Variants in TASOR observed in about 807,000 individuals in gnomAD.
The protein encoded by TASOR is protein TASOR.
In TASOR, 53 loss-of-function variants were observed where a neutral mutation model predicts 178.6. That is an observed-to-expected ratio of 0.30 (90% confidence interval 0.24 to 0.37). TASOR has a LOEUF of 0.37. Ranked by LOEUF, TASOR falls within the 10% of genes least tolerant of loss-of-function variation. The pLI is 1.00. For synonymous variants in TASOR, 713 were observed against 696.2 expected (o/e 1.02, Z -0.38); for missense variants, 1,815 against 1,971.4 (o/e 0.92, Z 1.50).
Position 56,622,457 on chromosome 3 carries a change from C to G in TASOR, c.*580G>C, listed in dbSNP as rs561734614. ...GGTACTGAAAATTATCCAATACTCTCAAAAAGTTACCAGAATTTTAGCAAT... is the reference window on the plus strand; with the variant it reads ...GGTACTGAAAATTATCCAATACTCTGAAAAAGTTACCAGAATTTTAGCAAT... On this transcript the variant is annotated 3_prime_UTR_variant, in exon 24 of 24. Transcript: ENST00000683822. 6.6e-6 allele frequency: 1 copy of G among 152,640 alleles called. No individual in the cohort carries two copies. The highest frequency in any genetic ancestry group is 6.5e-5 in the Admixed American group (1 of 15,298). The allele number at this position is 152,640 out of a possible 1,614,324, so 9.5% of individuals were successfully genotyped here.
Position 56,633,396 on chromosome 3 carries a change from T to A in TASOR, c.3395A>T (p.His1132Leu). ...ATCACTACACAGTGGCTCAAGGAGA[T>A]GTTTATTGTTGAAGTCACTTGAGGA... The part of the protein sequence containing the change: ...PVSSSDFNNK[H>L]LLEPLCSDPL... Residue 1132 changes from histidine to leucine, a missense_variant, in exon 18 of 24, where the codon CAT (histidine) becomes CTT (leucine). By Grantham distance (99) the His-to-Leu change is moderately conservative. Coordinates refer to ENST00000683822, the MANE Select transcript of TASOR (RefSeq NM_001365635.2). The A allele has an allele frequency of 2.5e-6, 4 of 1,614,150 alleles. No homozygotes were observed. Among genetic ancestry groups the A allele is most frequent in the Non-Finnish European group, 3.4e-6 (4 of 1,180,010 alleles).
chr3:56,671,201 T>TC (rs1559851904), intron 3 of TASOR, among the ~76,000 whole-genome samples: 1 of 151,484 alleles, frequency 6.6e-6, no homozygotes, highest in South Asian at 2.1e-4. Flanking sequence ...TAGCCAGGTG[T>TC]GGGGGGGTGT....
chr3:56,661,970 A>AC (rs2107612868), intron 9 of TASOR, among the ~76,000 whole-genome samples: 1 of 85,662 alleles, frequency 1.2e-5, no homozygotes, highest in South Asian at 5.8e-4. Context: ...TACTAAAAAT[A>AC]CAAAAAAAAA....
At position 56,663,575 on chromosome 3, in the gene TASOR, A is replaced by G; in HGVS notation, c.1023-3T>C. On this transcript the variant is annotated splice_region_variant and splice_polypyrimidine_tract_variant and intron_variant, in intron 7 of 23. Transcript: ENST00000683822. ...TATCTGTATTAAAGCTGTTAGATCT[A>G]CAAATTTTTTAAAAGAAAAGAAAAA... 3 of 1,256,698 alleles carry G rather than the reference A, an allele frequency of 2.4e-6. No individual in the cohort carries two copies. The highest frequency in any genetic ancestry group is 3.1e-6 in the Non-Finnish European group (3 of 952,894). The allele number at this position is 1,256,698 out of a possible 1,614,324, so 77.8% of individuals were successfully genotyped here. A position where few individuals can be genotyped will look rare whatever the true frequency, so the allele number is the denominator to read the frequency against.
At chr3:56,648,044 A>T (rs1207314600) in intron 13 of TASOR, among the ~76,000 whole-genome samples, 2 of 152,150 alleles carry the variant, frequency 1.3e-5, no homozygotes, top group Non-Finnish European at 2.9e-5. Flanking sequence ...AAAGAAAAAA[A>T]AAAAATTTAA....
At chr3:56,653,719 C>A (rs541043903) in intron 11 of TASOR, among the ~76,000 whole-genome samples, 1 of 152,132 alleles carries the variant, frequency 6.6e-6, no homozygotes, top group South Asian at 2.1e-4. Context: ...ATAATCACCA[C>A]CATTGTTGAT....
intron 2 of TASOR, among the ~76,000 whole-genome samples, chr3:56,672,309 A>G (rs2107632594): frequency 6.6e-6 from 1 of 152,338 alleles, no homozygotes; most frequent in Non-Finnish European, 1.5e-5. Context: ...ATTTATCTTC[A>G]GACTAAATTT....
At chr3:56,675,605 CAT>C in intron 1 of TASOR, among the ~76,000 whole-genome samples, 1 of 152,222 alleles carries the variant, frequency 6.6e-6, no homozygotes, top group East Asian at 1.9e-4. Flanking sequence ...AAAGTCTATA[CAT>C]ATATATATTT....
intron 19 of TASOR, among the ~76,000 whole-genome samples, chr3:56,627,972 T>C (rs1416740587): frequency 1.3e-5 from 2 of 152,160 alleles, no homozygotes; most frequent in Non-Finnish European, 2.9e-5. Context: ...GAGCTTACAA[T>C]AGACCTGAAA....
At chr3:56,641,904 A>G (rs2077132696) in intron 14 of TASOR, 152 bp from the exon 15 acceptor site, 1 of 752,446 alleles carries the variant, frequency 1.3e-6, no homozygotes, top group African/African-American at 1.8e-5. Context: ...ATCACTTTAC[A>G]AAAAGAATTG....
In TASOR at chr3:56,624,642, CTCTAAATTA is replaced by C. The variant is rs765475646; in HGVS notation, c.4319-8_4319del. ...AACTGGAAAGCATCTTGATGTTCTT[CTCTAAATTA>C]AGAAAAAAAGTTTCATGTATGAAAC... is the stretch of plus-strand genomic sequence containing the variant. On this transcript the variant is annotated splice_acceptor_variant and splice_polypyrimidine_tract_variant and coding_sequence_variant and intron_variant, in exon 23 of 24. Coordinates refer to ENST00000683822, the MANE Select transcript of TASOR (RefSeq NM_001365635.2). LOFTEE classifies it high-confidence loss of function. The C allele has an allele frequency of 6.2e-7, 1 of 1,607,126 alleles. No homozygotes were observed. Among genetic ancestry groups the C allele is most frequent in the Non-Finnish European group, 8.5e-7 (1 of 1,177,664 alleles).
At chr3:56,678,004 G>A (rs933202041) in intron 1 of TASOR, among the ~76,000 whole-genome samples, 2 of 151,990 alleles carry the variant, frequency 1.3e-5, no homozygotes, top group Non-Finnish European at 2.9e-5. Context: ...ACAAATTATA[G>A]ATGTATTTTA....
At chr3:56,641,322 A>C (rs1200598050) in intron 15 of TASOR, 27 bp downstream of exon 15, 7 of 1,555,492 alleles carry the variant, frequency 4.5e-6, no homozygotes, top group Non-Finnish European at 6.1e-6. Flanking sequence ...TCACAAACAC[A>C]AAGGTAACCA....
chr3:56,682,821 C>T lies in TASOR; in HGVS notation c.186G>A (p.Gly62=). Residue 62 remains glycine (G), a synonymous_variant, in exon 1 of 24, where the codon GGG becomes GGA. Coordinates refer to ENST00000683822, the MANE Select transcript of TASOR (RefSeq NM_001365635.2). ...SGGAGREENA[G]AEAAQSLSHE... ...GGCTGAGGCTCTGGGCGGCCTCGGC[C>T]CCCGCGTTCTCCTCACGCCCAGCGC... The T allele has an allele frequency of 6.4e-7, 1 of 1,550,484 alleles. No individual in the cohort carries two copies. The highest frequency in any genetic ancestry group is 8.7e-7 in the Non-Finnish European group (1 of 1,146,428).
intron 1 of TASOR, among the ~76,000 whole-genome samples, chr3:56,674,119 C>G (rs1188718125): frequency 6.7e-6 from 1 of 150,122 alleles, no homozygotes; most frequent in African/African-American, 2.5e-5. Flanking sequence ...ACTACCTATA[C>G]CATGTATGAG....
In TASOR at chr3:56,621,618, A is replaced by T; in HGVS notation, c.*1419T>A. 2 of 1,589,574 alleles carry T rather than the reference A, an allele frequency of 1.3e-6. No homozygotes were observed. Among genetic ancestry groups the T allele is most frequent in the South Asian group, 1.1e-5 (1 of 87,564 alleles). On this transcript the variant is annotated 3_prime_UTR_variant, in exon 24 of 24. Transcript: ENST00000683822. ...AAGAGAGTTTTGGTTCTTCATTTTAAATGTAGAAAATCAAATCCTTCACAT... is the reference window on the plus strand; with the variant it reads ...AAGAGAGTTTTGGTTCTTCATTTTATATGTAGAAAATCAAATCCTTCACAT...
chr3:56,675,156 A>G (rs1223763326), intron 1 of TASOR, among the ~76,000 whole-genome samples: 2 of 147,422 alleles, frequency 1.4e-5, no homozygotes, highest in South Asian at 2.2e-4. Context: ...CCACATCCCC[A>G]ACCATTCTAC....
intron 1 of TASOR, among the ~76,000 whole-genome samples, chr3:56,676,344 T>C (rs1177680474): frequency 6.6e-6 from 1 of 152,204 alleles, no homozygotes; most frequent in Non-Finnish European, 1.5e-5. Context: ...AATTCAGTAA[T>C]ATACGAAACA....
intron 11 of TASOR, among the ~76,000 whole-genome samples, chr3:56,652,740 G>C (rs1427733814): frequency 6.6e-6 from 1 of 151,806 alleles, no homozygotes; most frequent in Non-Finnish European, 1.5e-5. Context: ...AAAATAACCA[G>C]GCAGATCCAA....
Sources: allele counts gnomAD v4.1 joint callset (sites outside exome capture counted in the v4.1 genomes callset), GRCh38; gene constraint gnomAD v4.1.1; transcripts MANE v1.5; gene names NCBI Gene and HGNC (gene_info 2026-07-23, HGNC 2026-07-21).